Variants in ZNF514 observed in about 807,000 individuals in gnomAD.
ZNF514 encodes the protein zinc finger protein 514.
ZNF514 carries 12 observed loss-of-function variants against 9.7 expected under a neutral mutation model. The ratio of observed to expected loss-of-function variants is 1.24; its 90% CI spans 0.79 to 2.01. ZNF514 has a LOEUF of 2.01. Ranked by LOEUF, ZNF514 falls within the 30% of genes most tolerant of loss-of-function variation. The pLI is 0.00. For missense variants in ZNF514, 467 were observed against 465.5 expected (o/e 1.00, Z -0.03); for synonymous variants, 158 against 163.7 (o/e 0.97, Z 0.27).
At chr2:95,155,072 G>A (rs1673652782) in intron 2 of ZNF514, 2 of 152,174 alleles carry the variant, frequency 1.3e-5, no homozygotes, top group African/African-American at 4.8e-5. Flanking sequence ...GACACATGGA[G>A]CCAACTGGAA....
chr2:95,158,714 T>C (rs1170734919), intron 1 of ZNF514: 24 of 889,636 alleles, frequency 2.7e-5, no homozygotes, highest in East Asian at 2.6e-4. Context: ...CCTCTGGCCA[T>C]TGGGACAATT....
At chr2:95,150,353 G>T in intron 4 of ZNF514, 86 bp from the exon 5 acceptor site, 1 of 1,377,228 alleles carries the variant, frequency 7.3e-7, no homozygotes, top group Non-Finnish European at 9.6e-7. Context: ...TATAATGAAT[G>T]TGAAATAATT....
rs1476695257 is a variant in ZNF514, at chr2:95,149,543, C to A, written c.942G>T (p.Lys314Asn). The change falls in exon 5 of 5, where the codon AAG becomes AAT. Residue 314 changes from lysine (K) to asparagine (N), a missense_variant. Coordinates refer to ENST00000295208, the MANE Select transcript of ZNF514 (RefSeq NM_032788.3). ...TCCCACATTCCCGGCATTCATAGGG[C>A]TTTTCTCCAGTATGAGTCCTCTGAT... ...IKHQRTHTGE[K>N]PYECRECGRT... The A allele has an allele frequency of 6.2e-7, 1 of 1,613,666 alleles. No individual in the cohort carries two copies. The highest frequency in any genetic ancestry group is 8.5e-7 in the Non-Finnish European group (1 of 1,179,966).
Position 95,150,257 on chromosome 2 carries a change from T to C in ZNF514, c.228A>G (p.Arg76=). Reference sequence around the variant, plus strand: ...GCATTGATTCCTTGGATTTAGACCTTCTCTTCCAGTCTGTTAAAAAAAAAA... The same window carrying C: ...GCATTGATTCCTTGGATTTAGACCTCCTCTTCCAGTCTGTTAAAAAAAAAA... ...ISTGAHSDWK[R]RSKSKESMPS... The change falls in exon 5 of 5, where the codon AGA becomes AGG. Residue 76 remains arginine, a synonymous_variant. Transcript: ENST00000295208. 1 of 1,516,920 alleles carries C rather than the reference T, an allele frequency of 6.6e-7. No individual in the cohort carries two copies. Among genetic ancestry groups the C allele is most frequent in the East Asian group, 2.3e-5 (1 of 43,824 alleles). The allele number at this position is 1,516,920 out of a possible 1,614,324, so 94.0% of individuals were successfully genotyped here.
At chr2:95,157,017 GT>G (rs1334076372) in intron 2 of ZNF514, among the ~76,000 whole-genome samples, 2 of 152,228 alleles carry the variant, frequency 1.3e-5, no homozygotes, top group Admixed American at 6.5e-5. Context: ...TTCACATCCT[GT>G]TACTGGTGGC....
the ZNF514 span, among the ~76,000 whole-genome samples, chr2:95,128,417 C>G: frequency 2.1e-5 from 3 of 145,232 alleles, no homozygotes; most frequent in Admixed American, 2.1e-4. Context: ...AACAGCTGGG[C>G]ATGGTGGTGT....
At chr2:95,151,250 T>C (rs1290455415) in intron 4 of ZNF514, among the ~76,000 whole-genome samples, 1 of 152,190 alleles carries the variant, frequency 6.6e-6, no homozygotes, top group Non-Finnish European at 1.5e-5. Flanking sequence ...TCATGAGTGC[T>C]TAAAATCGGA....
chr2:95,127,577 TTTTG>T, the ZNF514 span, among the ~76,000 whole-genome samples: 37 of 151,900 alleles, frequency 2.4e-4, no homozygotes, highest in South Asian at 4.2e-4. Context: ...TTGTTTTTGT[TTTTG>T]TTTTTTTGTT....
At chr2:95,129,591 G>A in the ZNF514 span, among the ~76,000 whole-genome samples, 1 of 152,116 alleles carries the variant, frequency 6.6e-6, no homozygotes, top group South Asian at 2.1e-4. Context: ...TACAGGATAA[G>A]CCTGGATCAC....
rs759172575 is a variant in ZNF514 at position 95,157,361 on chromosome 2, G to A, written c.-17C>T. Reference sequence around the variant, plus strand: ...AAGAATACAACTCACCCGAGGCCTGGCTTTCAGGAATGAATTGGTTGTTCC... The same window carrying A: ...AAGAATACAACTCACCCGAGGCCTGACTTTCAGGAATGAATTGGTTGTTCC... On this transcript the variant is annotated 5_prime_UTR_variant, in exon 2 of 5. Coordinates refer to ENST00000295208, the MANE Select transcript of ZNF514 (RefSeq NM_032788.3). 1 of 1,289,642 alleles carries A rather than the reference G, an allele frequency of 7.8e-7. No individual in the cohort carries two copies. The allele number at this position is 1,289,642 out of a possible 1,614,324, so 79.9% of individuals were successfully genotyped here. A position where few individuals can be genotyped will look rare whatever the true frequency, so the allele number is the denominator to read the frequency against.
At position 95,150,197 on chromosome 2, in the gene ZNF514, CT is replaced by C; in HGVS notation, c.287del (p.Gln96ArgfsTer2). 1 of 1,606,712 alleles carries C rather than the reference CT, an allele frequency of 6.2e-7. No individual in the cohort carries two copies. Among genetic ancestry groups the C allele is most frequent in the Non-Finnish European group, 8.5e-7 (1 of 1,179,486 alleles). On this transcript the variant is annotated frameshift_variant, in exon 5 of 5. Coordinates refer to ENST00000295208, the MANE Select transcript of ZNF514 (RefSeq NM_032788.3). LOFTEE classifies it low-confidence loss of function (END_TRUNC). ...SWGISKEELF[Q>X]VVSVEKHIQD... ...GAATGTGTTTTTCCACTGATACTAC[CT>C]GGAATAATTCTTCTTTGGAAATTCC...
chr2:95,151,383 G>A (rs1428089975), intron 4 of ZNF514, among the ~76,000 whole-genome samples: 2 of 152,168 alleles, frequency 1.3e-5, no homozygotes, highest in African/African-American at 4.8e-5. Context: ...TCTGTTTATA[G>A]CCAGCAAGAA....
At position 95,147,359 on chromosome 2, in the gene ZNF514, T is replaced by C. The variant is rs1673384963; in HGVS notation, c.*1923A>G. On this transcript the variant is annotated 3_prime_UTR_variant, in exon 5 of 5. Transcript: ENST00000295208. ...TTTGAAAAATGATTTTATTGAGGTA[T>C]ATTTACCATAAAATCTGCCCATATA... 1 of 152,230 alleles carries C rather than the reference T, an allele frequency of 6.6e-6. No homozygotes were observed. The highest frequency in any genetic ancestry group is 2.1e-4 in the South Asian group (1 of 4,834). The allele number at this position is 152,230 out of a possible 1,614,324, so 9.4% of individuals were successfully genotyped here.
At chr2:95,125,565 T>A in the ZNF514 span, among the ~76,000 whole-genome samples, 1 of 152,314 alleles carries the variant, frequency 6.6e-6, no homozygotes, top group South Asian at 2.1e-4. Context: ...AGTGTACAAT[T>A]CAGTGGCATT....
intron 1 of ZNF514, chr2:95,159,007 C>A: frequency 7.8e-7 from 1 of 1,279,552 alleles, no homozygotes. Context: ...GAGCGGCGTC[C>A]TTTCACTAGG....
the ZNF514 span, among the ~76,000 whole-genome samples, chr2:95,135,804 G>A: frequency 6.6e-6 from 1 of 152,000 alleles, no homozygotes; most frequent in East Asian, 1.9e-4. Flanking sequence ...AGGCACGGTG[G>A]CTCATGCCTG....
In ZNF514 at chr2:95,153,257, G is replaced by A; in HGVS notation, c.-4C>T. 6.2e-7 allele frequency: 1 copy of A among 1,613,396 alleles called. No homozygotes were observed. ...CAGCCACATCTTCAAATGTCATCAGGTCCTGAAACACAGAAGACACTCCAG... is the reference window on the plus strand; with the variant it reads ...CAGCCACATCTTCAAATGTCATCAGATCCTGAAACACAGAAGACACTCCAG... On this transcript the variant is annotated splice_region_variant and 5_prime_UTR_variant, in exon 3 of 5. Transcript: ENST00000295208.
Position 95,153,232 on chromosome 2 carries a change from C to T in ZNF514, c.22G>A (p.Val8Met). The T allele has an allele frequency of 4.3e-6, 7 of 1,614,026 alleles. No individual in the cohort carries two copies. The highest frequency in any genetic ancestry group is 5.9e-6 in the Non-Finnish European group (7 of 1,179,904). The change falls in exon 3 of 5, where the codon GTG becomes ATG. Residue 8 changes from valine (V) to methionine (M), a missense_variant. Val to Met is a conservative substitution (Grantham distance 21). Transcript: ENST00000295208. ...CCCCACTCCCACTGGCTGAATTCCA[C>T]AGCCACATCTTCAAATGTCATCAGG... MTFEDVA[V>M]EFSQWEWGQL...
chr2:95,138,172 G>A, the ZNF514 span, among the ~76,000 whole-genome samples: 5 of 152,160 alleles, frequency 3.3e-5, no homozygotes, highest in Admixed American at 6.5e-5. Flanking sequence ...TTATAGCAAT[G>A]CAAGAACGGC....
Sources: allele counts gnomAD v4.1 joint callset (sites outside exome capture counted in the v4.1 genomes callset), GRCh38; gene constraint gnomAD v4.1.1; transcripts MANE v1.5; gene names NCBI Gene and HGNC (gene_info 2026-07-23, HGNC 2026-07-21).